IQGAP2: variants seen among roughly 807,000 people sequenced by gnomAD.
IQGAP2 encodes IQ motif containing GTPase activating protein 2, also known as ras GTPase-activating-like protein IQGAP2.
Under a neutral mutation model 201.3 loss-of-function variants are expected in IQGAP2, and 173 were observed. That is an observed-to-expected ratio of 0.86 (90% CI 0.76 to 0.98). IQGAP2 has a LOEUF of 0.98. Among genes scored for constraint, IQGAP2 ranks in the 50% least tolerant of loss-of-function variants. The pLI, the probability that IQGAP2 is intolerant of heterozygous loss-of-function variation, is 0.00. For synonymous variants in IQGAP2, 675 were observed against 673.9 expected (o/e 1.00, Z -0.03); for missense variants, 1,687 against 1,864.8 (o/e 0.90, Z 1.76).
In IQGAP2 at chr5:76,702,534, G is replaced by A. The variant is rs536482916; in HGVS notation, c.4558G>A (p.Asp1520Asn). The change falls in exon 35 of 36, where the codon GAT becomes AAT. Residue 1520 changes from aspartate (D) to asparagine (N), a missense_variant. Asp to Asn is a conservative substitution (Grantham distance 23). Transcript: ENST00000274364. ...AGCTACTGAAGATGTAGGCATTTTC[G>A]ATGTAAGATCAAAATTCCTTGGTGT... ...IIATEDVGIFDVRSKFLGVEM... is the reference protein window; with the variant it reads ...IIATEDVGIFNVRSKFLGVEM... 1.2e-5 allele frequency: 19 copies of A among 1,601,958 alleles called. No homozygotes were observed. Among genetic ancestry groups the A allele is most frequent in the Middle Eastern group, 3.3e-4 (2 of 6,052 alleles).
chr5:76,482,351 G>A (rs3925034), intron 2 of IQGAP2, among the ~76,000 whole-genome samples: 146,912 of 152,300 alleles, frequency 0.96, 71,057 homozygotes, highest in Non-Finnish European at 1. Flanking sequence ...TTCTTGGTCA[G>A]TAGGTGTCTC....
At chr5:76,532,405 CTT>C (rs375676436) in intron 2 of IQGAP2, among the ~76,000 whole-genome samples, 1 of 117,106 alleles carries the variant, frequency 8.5e-6, no homozygotes, top group South Asian at 2.7e-4. Context: ...ATGAAAATTG[CTT>C]TTTTTTCCTA....
At chr5:76,643,166 G>A (rs892570191) in intron 17 of IQGAP2, among the ~76,000 whole-genome samples, 1 of 152,186 alleles carries the variant, frequency 6.6e-6, no homozygotes, top group East Asian at 1.9e-4. Flanking sequence ...GCTTTATACT[G>A]TCAAGGAATT....
At chr5:76,520,564 G>A (rs1424967782) in intron 2 of IQGAP2, among the ~76,000 whole-genome samples, 1 of 152,088 alleles carries the variant, frequency 6.6e-6, no homozygotes, top group Non-Finnish European at 1.5e-5. Context: ...CATGTATAAA[G>A]TTTATTATTG....
intron 1 of IQGAP2, among the ~76,000 whole-genome samples, chr5:76,412,786 A>G (rs1194935800): frequency 1.3e-5 from 2 of 152,356 alleles, no homozygotes; most frequent in East Asian, 3.9e-4. Context: ...TTCAGATGCC[A>G]TGCAAACATT....
chr5:76,437,368 T>TTTTTA (rs1752768479), intron 1 of IQGAP2, among the ~76,000 whole-genome samples: 1 of 152,102 alleles, frequency 6.6e-6, no homozygotes, highest in Non-Finnish European at 1.5e-5. Context: ...TTTTAAAAAA[T>TTTTTA]TTTTATTTTA....
intron 1 of IQGAP2, among the ~76,000 whole-genome samples, chr5:76,421,241 C>T (rs1313688025): frequency 6.6e-6 from 1 of 152,066 alleles, no homozygotes; most frequent in African/African-American, 2.4e-5. Context: ...CCTTTAGGCT[C>T]CTGTTTGGAT....
In IQGAP2 at chr5:76,580,842, T is replaced by TAAG. The variant is rs757210413; in HGVS notation, c.458+5074_458+5075insAGA. Among the ~76,000 whole-genome samples, 6 of 152,236 alleles carry TAAG rather than the reference T, an allele frequency of 3.9e-5. 1 individual carries two copies. The highest frequency in any genetic ancestry group is 3.9e-4 in the Admixed American group (6 of 15,290). On this transcript the variant is annotated intron_variant, in intron 5 of 35. Transcript: ENST00000274364. ...TTTGAGATGTGGAACCACCACTCTC[T>TAAG]AGGGATTCCTCTTAAAAGTCATGTG...
At chr5:76,462,429 G>C (rs950496957) in intron 2 of IQGAP2, among the ~76,000 whole-genome samples, 2 of 152,144 alleles carry the variant, frequency 1.3e-5, no homozygotes, top group African/African-American at 4.8e-5. Flanking sequence ...TAAATGTTGC[G>C]TTCTCCAAGG....
intron 1 of IQGAP2, among the ~76,000 whole-genome samples, chr5:76,442,807 G>A (rs1753125662): frequency 6.6e-6 from 1 of 152,120 alleles, no homozygotes; most frequent in Non-Finnish European, 1.5e-5. Flanking sequence ...CCAACATGGT[G>A]AAACCCCGTC....
Position 76,627,411 on chromosome 5 carries a change from A to G in IQGAP2, c.1523A>G (p.Asp508Gly). 6.3e-7 allele frequency: 1 copy of G among 1,587,876 alleles called. No homozygotes were observed. Among genetic ancestry groups the G allele is most frequent in the Non-Finnish European group, 8.6e-7 (1 of 1,156,264 alleles). The change falls in exon 14 of 36, where the codon GAC (aspartate) becomes GGC (glycine). Residue 508 changes from aspartate to glycine, a missense_variant and splice_region_variant. By Grantham distance (94) the Asp-to-Gly change is moderately conservative. Coordinates refer to ENST00000274364, the MANE Select transcript of IQGAP2 (RefSeq NM_006633.5). ...TTTATTCTGTGACATTGTCCCCAGGACTCTGAGAGTGTTTCCAAAGTGCTT... is the reference window on the plus strand; with the variant it reads ...TTTATTCTGTGACATTGTCCCCAGGGCTCTGAGAGTGTTTCCAAAGTGCTT... ...LYHAKSQKLG[D>G]SESVSKVLWL...
At chr5:76,460,520 G>A (rs61498727) in intron 1 of IQGAP2, among the ~76,000 whole-genome samples, 4,442 of 151,878 alleles carry the variant, frequency 0.029, 234 homozygotes, top group African/African-American at 0.1. Context: ...AGTGGAAAAG[G>A]GGTAGTGGCT....
intron 2 of IQGAP2, among the ~76,000 whole-genome samples, chr5:76,496,769 C>CTTTTCTTTCTTTCT: frequency 1.4e-5 from 1 of 72,918 alleles, no homozygotes; most frequent in South Asian, 3.9e-4. Context: ...TTCTTTCTTT[C>CTTTTCTTTCTTTCT]TTTCTTTCTT....
At chr5:76,517,214 TA>T (rs1210889234) in intron 2 of IQGAP2, among the ~76,000 whole-genome samples, 1 of 152,106 alleles carries the variant, frequency 6.6e-6, no homozygotes, top group Non-Finnish European at 1.5e-5. Flanking sequence ...TAGTTCAAAA[TA>T]TTTTTTTACT....
At chr5:76,538,379 C>T (rs1026690883) in intron 2 of IQGAP2, among the ~76,000 whole-genome samples, 7 of 152,100 alleles carry the variant, frequency 4.6e-5, no homozygotes, top group African/African-American at 1.7e-4. Flanking sequence ...GGTTTAAGTG[C>T]AGAGCCATTG....
At chr5:76,429,619 TATAAATTTATATATATAC>T (rs1425622165) in intron 1 of IQGAP2, among the ~76,000 whole-genome samples, 13 of 145,058 alleles carry the variant, frequency 9.0e-5, no homozygotes, top group East Asian at 5.9e-4. Context: ...TATATACATA[TATAAATTTATATATATAC>T]ATATATGTAT....
At chr5:76,691,877 A>G (rs575749353) in intron 30 of IQGAP2, among the ~76,000 whole-genome samples, 1 of 152,312 alleles carries the variant, frequency 6.6e-6, no homozygotes, top group Admixed American at 6.5e-5. Flanking sequence ...TTTCTCTGTC[A>G]TTTGGGAGTA....
chr5:76,448,577 G>A (rs1753542565), intron 1 of IQGAP2, among the ~76,000 whole-genome samples: 1 of 152,104 alleles, frequency 6.6e-6, no homozygotes, highest in South Asian at 2.1e-4. Flanking sequence ...AACCCATCTG[G>A]TGTGCTGCTC....
chr5:76,451,171 G>A (rs1009000228), intron 1 of IQGAP2, among the ~76,000 whole-genome samples: 1 of 152,198 alleles, frequency 6.6e-6, no homozygotes, highest in South Asian at 2.1e-4. Flanking sequence ...TGACTTTCTG[G>A]TGCCAAGCCA....
Sources: gnomAD v4.1 joint callset for allele counts (sites outside exome capture counted in the v4.1 genomes callset) on GRCh38, gnomAD v4.1.1 for gene constraint, MANE v1.5 for transcripts, NCBI Gene and HGNC (gene_info 2026-07-23, HGNC 2026-07-21) for gene names.